STK4: variants seen among roughly 807,000 people sequenced by gnomAD.
STK4 encodes serine/threonine kinase 4.
A neutral mutation model predicts 64.9 loss-of-function variants in STK4; 30 were observed. The observed-to-expected ratio is 0.46, with a 90% confidence interval of 0.35 to 0.63. STK4 has a LOEUF of 0.63. STK4 is among the 20% of genes least tolerant of loss of function. The probability of loss-of-function intolerance (pLI) is 0.01; values close to 1 mark genes in which losing one functional copy is unlikely to be tolerated. For missense variants in STK4, 466 were observed against 598.5 expected, an observed-to-expected ratio of 0.78 and a Z score of 2.31; for synonymous variants, 177 against 199.0, an observed-to-expected ratio of 0.89 and a Z score of 0.93.
At chr20:45,061,596 A>AATT (rs1555825558) in intron 10 of STK4, among the ~76,000 whole-genome samples, 2 of 140,988 alleles carry the variant, frequency 1.4e-5, no homozygotes, top group Non-Finnish European at 3.1e-5. Context: ...TAGTATGGAA[A>AATT]TTTTTTTTTT....
chr20:44,974,824 T>G (rs1185841597), intron 2 of STK4: 1 of 152,188 alleles, frequency 6.6e-6, no homozygotes, highest in African/African-American at 2.4e-5. Flanking sequence ...CTCACTGACT[T>G]GTATCTTGTG....
chr20:45,019,796 A>G (rs2068210477), intron 9 of STK4, among the ~76,000 whole-genome samples: 1 of 152,214 alleles, frequency 6.6e-6, no homozygotes, highest in African/African-American at 2.4e-5. Context: ...TCAAGTTAAA[A>G]CAAAAAACCC....
At chr20:45,053,178 A>G (rs1196511435) in intron 10 of STK4, 22 of 1,609,776 alleles carry the variant, frequency 1.4e-5, no homozygotes, top group Non-Finnish European at 1.8e-5. Flanking sequence ...GAGAAACCAC[A>G]TGGTAAATGA....
At position 44,972,110 on chromosome 20, in the gene STK4, C is replaced by T. The variant is rs150984577; in HGVS notation, c.68C>T (p.Thr23Ile). ...QLKKLDEDSL[T>I]KQPEEVFDVL... ...AAAAAGTTGGATGAAGATAGTTTAA[C>T]CAAACAACCAGAAGAAGTATTTGAT... The change falls in exon 2 of 11, where the codon ACC becomes ATC. Residue 23 changes from threonine (T) to isoleucine (I), a missense_variant. Coordinates refer to ENST00000372806, the MANE Select transcript of STK4 (RefSeq NM_006282.5). 18 of 1,613,888 alleles carry T rather than the reference C, an allele frequency of 1.1e-5. No homozygotes were observed. Among genetic ancestry groups the T allele is most frequent in the Non-Finnish European group, 1.5e-5 (18 of 1,179,946 alleles).
intron 10 of STK4, among the ~76,000 whole-genome samples, chr20:45,046,835 C>T (rs2068703940): frequency 6.6e-6 from 1 of 152,084 alleles, no homozygotes; most frequent in Non-Finnish European, 1.5e-5. Flanking sequence ...GCACCTGCCA[C>T]CACATCTGGC....
chr20:45,077,103 G>A lies in STK4; in HGVS notation c.*1927G>A, dbSNP rs1312817057. On this transcript the variant is annotated 3_prime_UTR_variant, in exon 11 of 11. Coordinates refer to ENST00000372806, the MANE Select transcript of STK4 (RefSeq NM_006282.5). ...TTGTAGTTGAAGAAATAAGTTCAGA[G>A]AGAAAGATTCCTTCCCAAGGTCATG... The A allele has an allele frequency of 6.6e-6, 1 of 152,218 alleles. No homozygotes were observed. Among genetic ancestry groups the A allele is most frequent in the Non-Finnish European group, 1.5e-5 (1 of 68,044 alleles). 9.4% of individuals were successfully genotyped at this position (152,218 alleles called of 1,614,324 possible).
At chr20:45,039,418 C>T (rs6130736) in intron 10 of STK4, among the ~76,000 whole-genome samples, 18,903 of 152,024 alleles carry the variant, frequency 0.12, 1,542 homozygotes, top group East Asian at 0.22. Context: ...TCAAGTTTTC[C>T]AGAATACTTA....
chr20:45,048,992 A>G (rs2068737654), intron 10 of STK4, among the ~76,000 whole-genome samples: 1 of 150,504 alleles, frequency 6.6e-6, no homozygotes, highest in Admixed American at 6.6e-5. Context: ...TCCCACATTG[A>G]TGTTTTTTTT....
intron 10 of STK4, among the ~76,000 whole-genome samples, chr20:45,069,172 CA>C (rs1262266296): frequency 2.0e-5 from 3 of 152,198 alleles, no homozygotes; most frequent in African/African-American, 7.2e-5. Flanking sequence ...TTCCTTTACC[CA>C]AGACTGATGT....
chr20:45,079,488 A>C lies in STK4; in HGVS notation c.*4312A>C, dbSNP rs1980759127. On this transcript the variant is annotated 3_prime_UTR_variant, in exon 11 of 11. Coordinates refer to ENST00000372806, the MANE Select transcript of STK4 (RefSeq NM_006282.5). ...ATTTACTAGAAAATTGTTCCTGCCC[A>C]ATCTACATCTCCACCTCACCCCATC... The C allele has an allele frequency of 6.6e-6, 1 of 152,424 alleles. No homozygotes were observed. Among genetic ancestry groups the C allele is most frequent in the South Asian group, 2.1e-4 (1 of 4,828 alleles). The allele number at this position is 152,424 out of a possible 1,614,324, so 9.4% of individuals were successfully genotyped here. A position where few individuals can be genotyped will look rare whatever the true frequency, so the allele number is the denominator to read the frequency against.
At chr20:45,042,524 T>G (rs759059073) in intron 10 of STK4, among the ~76,000 whole-genome samples, 18 of 152,212 alleles carry the variant, frequency 1.2e-4, no homozygotes, top group Non-Finnish European at 2.4e-4. Flanking sequence ...CAGGACCACT[T>G]TTACCTAATA....
chr20:45,015,353 T>C (rs915114793), intron 9 of STK4, among the ~76,000 whole-genome samples: 1 of 152,238 alleles, frequency 6.6e-6, no homozygotes, highest in Non-Finnish European at 1.5e-5. Context: ...ATCTGTCTTA[T>C]TCTCACTGAC....
chr20:44,984,757 G>A (rs1164464037), intron 4 of STK4, among the ~76,000 whole-genome samples: 1 of 151,726 alleles, frequency 6.6e-6, no homozygotes, highest in Non-Finnish European at 1.5e-5. Context: ...ATATGGTTAA[G>A]TAAAGCAGAT....
At chr20:45,032,290 G>A (rs1162130448) in intron 10 of STK4, among the ~76,000 whole-genome samples, 1 of 151,942 alleles carries the variant, frequency 6.6e-6, no homozygotes, top group Non-Finnish European at 1.5e-5. Context: ...TTTATTTCAG[G>A]TTCAGGGGTA....
intron 9 of STK4, among the ~76,000 whole-genome samples, chr20:45,006,731 A>G (rs1391482366): frequency 6.6e-6 from 1 of 152,062 alleles, no homozygotes; most frequent in Non-Finnish European, 1.5e-5. Flanking sequence ...AGGGAATTGT[A>G]TTTCTAGAAG....
chr20:45,047,358 C>T (rs748060631), intron 10 of STK4, among the ~76,000 whole-genome samples: 10 of 152,120 alleles, frequency 6.6e-5, no homozygotes, highest in Non-Finnish European at 1.0e-4. Flanking sequence ...GAATAACGCA[C>T]GTTTGTTTGT....
At chr20:45,003,249 G>T (rs934291970) in intron 9 of STK4, among the ~76,000 whole-genome samples, 1 of 152,006 alleles carries the variant, frequency 6.6e-6, no homozygotes, top group Non-Finnish European at 1.5e-5. Context: ...TGATCATCCT[G>T]CCTTGGCCTC....
chr20:45,005,063 G>A (rs979965962), intron 9 of STK4, among the ~76,000 whole-genome samples: 34 of 151,808 alleles, frequency 2.2e-4, no homozygotes, highest in Non-Finnish European at 8.8e-5. Context: ...GAGCCACCGC[G>A]CCCAGCCTCC....
intron 4 of STK4, among the ~76,000 whole-genome samples, chr20:44,986,180 T>C (rs1262918683): frequency 6.6e-6 from 1 of 152,140 alleles, no homozygotes; most frequent in African/African-American, 2.4e-5. Flanking sequence ...AGATAAATAA[T>C]GGGTAATATG....
Sources: allele counts gnomAD v4.1 joint callset (sites outside exome capture counted in the v4.1 genomes callset), GRCh38; gene constraint gnomAD v4.1.1; transcripts MANE v1.5; gene names NCBI Gene and HGNC (gene_info 2026-07-23, HGNC 2026-07-21).